PKHD1: variants seen among roughly 807,000 people sequenced by gnomAD.
PKHD1 encodes PKHD1 ciliary IPT domain containing fibrocystin/polyductin, also known as fibrocystin.
In PKHD1, 291 loss-of-function variants were observed where a neutral mutation model predicts 412.0. That is an observed-to-expected ratio of 0.71 (90% CI 0.64 to 0.78). The LOEUF (loss-of-function observed/expected upper bound fraction) is 0.78, where lower values mean the gene tolerates loss of function less well. Among genes scored for constraint, PKHD1 ranks in the 30% least tolerant of loss-of-function variants. The probability of loss-of-function intolerance (pLI) is 0.00; values close to 1 mark genes in which losing one functional copy is unlikely to be tolerated. For synonymous variants in PKHD1, 1,777 were observed against 1,821.5 expected, an observed-to-expected ratio of 0.98 and a Z score of 0.62; for missense variants, 4,825 against 4,950.7, an observed-to-expected ratio of 0.97 and a Z score of 0.76.
At chr6:51,994,783 A>G (rs148021278) in intron 35 of PKHD1, among the ~76,000 whole-genome samples, 168 of 151,768 alleles carry the variant, frequency 1.1e-3, no homozygotes, top group African/African-American at 3.8e-3. Context: ...AGGTCTCCCT[A>G]TGTTGCCCAG....
intron 35 of PKHD1, among the ~76,000 whole-genome samples, chr6:51,963,680 T>C (rs1896967): frequency 0.64 from 96,906 of 151,884 alleles, 32,220 homozygotes; most frequent in Non-Finnish European, 0.73. Context: ...ATGGCTCACC[T>C]TCCAACATCT....
rs527800915 is a variant in PKHD1, at chr6:51,657,669, C to T, written c.11174+1283G>A. On this transcript the variant is annotated intron_variant, in intron 61 of 66. Coordinates refer to ENST00000371117, the MANE Select transcript of PKHD1 (RefSeq NM_138694.4). Reference sequence around the variant, plus strand: ...AATAAAAGTGATCTTTTCTCTGAAGCTGTTTCACTTCCTCATGATAGAATG... The same window carrying T: ...AATAAAAGTGATCTTTTCTCTGAAGTTGTTTCACTTCCTCATGATAGAATG... Among the ~76,000 whole-genome samples, 24 of 152,190 alleles carry T rather than the reference C, an allele frequency of 1.6e-4. No individual in the cohort carries two copies. In the South Asian group the frequency reaches 4.6e-3, roughly 29 times the overall value.
intron 60 of PKHD1, among the ~76,000 whole-genome samples, chr6:51,713,787 G>A (rs1780920923): frequency 6.6e-6 from 1 of 152,066 alleles, no homozygotes; most frequent in African/African-American, 2.4e-5. Context: ...CACTCCTCTT[G>A]TATGGGTCTC....
chr6:51,850,669 T>G (rs776021880), intron 49 of PKHD1, among the ~76,000 whole-genome samples: 1 of 152,128 alleles, frequency 6.6e-6, no homozygotes, highest in South Asian at 2.1e-4. Flanking sequence ...TGAATAGGAG[T>G]TCATTCATGA....
In PKHD1 at chr6:51,698,614, T is replaced by C. The variant is rs538347197; in HGVS notation, c.10157-38645A>G. On this transcript the variant is annotated intron_variant, in intron 60 of 66. Transcript: ENST00000371117. The stretch of plus-strand genomic sequence containing the variant: ...GCACAAGCATCAATCATTTAATAAA[T>C]ACATGGTTTCCAGTGGACTCCAGAG... Among the ~76,000 whole-genome samples the C allele has an allele frequency of 3.3e-5, 5 of 152,240 alleles. No homozygotes were observed. The East Asian group carries it at 9.6e-4, about 29-fold the overall frequency.
At chr6:51,884,057 T>C (rs1005046742) in intron 45 of PKHD1, among the ~76,000 whole-genome samples, 1 of 152,190 alleles carries the variant, frequency 6.6e-6, no homozygotes, top group Non-Finnish European at 1.5e-5. Context: ...TATTATTCTG[T>C]TATAGCAGCA....
intron 50 of PKHD1, 88 bp downstream of exon 50, chr6:51,847,687 A>C (rs1562452341): frequency 1.0e-6 from 1 of 964,094 alleles, no homozygotes; most frequent in East Asian, 2.4e-5. Flanking sequence ...GTTCCTCAGC[A>C]CTTCACAGCA....
rs148284341 is a variant in PKHD1, at chr6:51,883,158, C to T, written c.7285G>A (p.Val2429Ile). 92 of 1,611,252 alleles carry T rather than the reference C, an allele frequency of 5.7e-5. No individual in the cohort carries two copies. The highest frequency in any genetic ancestry group is 8.0e-5 in the African/African-American group (6 of 74,840). The stretch of plus-strand genomic sequence containing the variant: ...GAAGTATTTGCATCACTTTCCAAGA[C>T]GTCAATTCCAAAATCTCTGCATGAA... ...VYSCRDFGID[V>I]LESDANTSVT... The change falls in exon 46 of 67, where the codon GTC (valine) becomes ATC (isoleucine). Residue 2429 changes from valine to isoleucine, a missense_variant. By Grantham distance (29) the Val-to-Ile change is conservative (BLOSUM62 3). Transcript: ENST00000371117.
intron 53 of PKHD1, among the ~76,000 whole-genome samples, chr6:51,786,204 C>T (rs1204077423): frequency 6.6e-6 from 1 of 152,040 alleles, no homozygotes; most frequent in Admixed American, 6.6e-5. Context: ...TCTCCCAACC[C>T]GAAACCCTGG....
In PKHD1 at chr6:51,909,330, G is replaced by A; in HGVS notation, c.6635C>T (p.Ala2212Val). 1 of 1,613,476 alleles carries A rather than the reference G, an allele frequency of 6.2e-7. No individual in the cohort carries two copies. The highest frequency in any genetic ancestry group is 8.5e-7 in the Non-Finnish European group (1 of 1,179,600). The change falls in exon 40 of 67, where the codon GCC (alanine) becomes GTC (valine). Residue 2212 changes from alanine (A) to valine (V), a missense_variant. Physicochemically the swap from Ala to Val is moderately conservative, Grantham distance 64 (BLOSUM62 0). Coordinates refer to ENST00000371117, the MANE Select transcript of PKHD1 (RefSeq NM_138694.4). ...KGVQFQVLGQAFHKHLSSLTL... is the reference protein window; with the variant it reads ...KGVQFQVLGQVFHKHLSSLTL... ...GAGTGAGCTCAGATGCTTATGGAAG[G>A]CTTGCCCCAAGACTTGAAACTGCAC...
chr6:51,965,576 C>T (rs945106193), intron 35 of PKHD1, among the ~76,000 whole-genome samples: 6 of 151,900 alleles, frequency 3.9e-5, no homozygotes, highest in Admixed American at 2.0e-4. Context: ...TTTCTTTTCT[C>T]GGTGGTTATA....
At chr6:51,663,153 ATAGT>A (rs1773141889) in intron 60 of PKHD1, among the ~76,000 whole-genome samples, 1 of 152,108 alleles carries the variant, frequency 6.6e-6, no homozygotes, top group African/African-American at 2.4e-5. Context: ...TCCAAATAAG[ATAGT>A]TAGGTAACAT....
chr6:51,683,387 G>A (rs146657459), intron 60 of PKHD1, among the ~76,000 whole-genome samples: 13 of 152,166 alleles, frequency 8.5e-5, no homozygotes, highest in Non-Finnish European at 1.3e-4. Flanking sequence ...CAAACTTTGA[G>A]GCAAAGTAGT....
intron 64 of PKHD1, among the ~76,000 whole-genome samples, chr6:51,637,415 G>T (rs905102052): frequency 2.6e-5 from 4 of 152,090 alleles, no homozygotes; most frequent in Admixed American, 2.6e-4. Context: ...AAGTATTTAA[G>T]CAATCATCCT....
intron 35 of PKHD1, among the ~76,000 whole-genome samples, chr6:51,974,220 G>T (rs1204107236): frequency 2.0e-5 from 3 of 151,906 alleles, no homozygotes; most frequent in Non-Finnish European, 4.4e-5. Context: ...TTGTTTGTTT[G>T]CTTGTTTTAG....
chr6:51,927,085 A>C (rs1785757893), intron 37 of PKHD1, among the ~76,000 whole-genome samples: 1 of 152,086 alleles, frequency 6.6e-6, no homozygotes, highest in Admixed American at 6.6e-5. Flanking sequence ...AAAAGGAATA[A>C]ATACTTTTTT....
At chr6:51,699,920 A>AGTGTGTGT (rs148337538) in intron 60 of PKHD1, among the ~76,000 whole-genome samples, 10,480 of 137,726 alleles carry the variant, frequency 0.076, 663 homozygotes, top group African/African-American at 0.17. Flanking sequence ...ATATATATGG[A>AGTGTGTGT]GTGTGTGTGT....
chr6:51,706,806 TA>T (rs1182304284), intron 60 of PKHD1, among the ~76,000 whole-genome samples: 1 of 152,178 alleles, frequency 6.6e-6, no homozygotes, highest in African/African-American at 2.4e-5. Flanking sequence ...CATTAGCTTT[TA>T]TATGTGAGGT....
intron 34 of PKHD1, among the ~76,000 whole-genome samples, chr6:52,014,299 C>T (rs1800181324): frequency 6.6e-6 from 1 of 152,238 alleles, no homozygotes; most frequent in Non-Finnish European, 1.5e-5. Context: ...TCTGAGTACA[C>T]TCTCTAAAGT....
Sources: gnomAD v4.1 joint callset for allele counts (sites outside exome capture counted in the v4.1 genomes callset) on GRCh38, gnomAD v4.1.1 for gene constraint, MANE v1.5 for transcripts, NCBI Gene and HGNC (gene_info 2026-07-23, HGNC 2026-07-21) for gene names.